HM13: variants seen among roughly 807,000 people sequenced by gnomAD.
HM13 encodes signal peptide peptidase.
In HM13, 18 loss-of-function variants were observed where a neutral mutation model predicts 50.0. That is an observed-to-expected ratio of 0.36 (90% confidence interval 0.25 to 0.53). HM13 has a LOEUF of 0.53. Among genes scored for constraint, HM13 ranks in the 20% least tolerant of loss-of-function variants. The pLI is 0.90. For missense variants in HM13, 393 were observed against 552.4 expected, an observed-to-expected ratio of 0.71 and a Z score of 2.89; for synonymous variants, 197 against 232.6, an observed-to-expected ratio of 0.85 and a Z score of 1.39.
intron 1 of HM13, among the ~76,000 whole-genome samples, chr20:31,521,854 C>CT (rs368753723): frequency 0.3 from 35,760 of 120,610 alleles, 8,464 homozygotes; most frequent in African/African-American, 0.66. Flanking sequence ...GTCTCCCATT[C>CT]TTTTTTTTTT....
At chr20:31,551,434 C>G (rs191184673) in intron 7 of HM13, among the ~76,000 whole-genome samples, 27 of 152,348 alleles carry the variant, frequency 1.8e-4, no homozygotes, top group Admixed American at 8.5e-4. Flanking sequence ...GAAATTATGT[C>G]TCAGGGAGGG....
At chr20:31,532,055 T>C (rs1282244933) in intron 2 of HM13, among the ~76,000 whole-genome samples, 1 of 151,840 alleles carries the variant, frequency 6.6e-6, no homozygotes, top group Non-Finnish European at 1.5e-5. Context: ...ATTTTTACTC[T>C]AAGAAATAAG....
chr20:31,550,770 C>T (rs1030278798), intron 7 of HM13, among the ~76,000 whole-genome samples: 4 of 152,094 alleles, frequency 2.6e-5, no homozygotes, highest in Non-Finnish European at 5.9e-5. Context: ...TTGAGGCCAG[C>T]AGTTCAAGAC....
At chr20:31,558,323 C>T (rs191245102) in intron 8 of HM13, among the ~76,000 whole-genome samples, 1 of 152,280 alleles carries the variant, frequency 6.6e-6, no homozygotes, top group Admixed American at 6.5e-5. Context: ...CCACGCACTG[C>T]CACAGGGGCC....
chr20:31,563,220 CCTT>C (rs1984717648), intron 10 of HM13: 1 of 152,564 alleles, frequency 6.6e-6, no homozygotes, highest in Non-Finnish European at 1.5e-5. Context: ...GCAGCCCAGC[CCTT>C]CTCCCCAGTC....
In HM13 at chr20:31,523,044, G is replaced by GGGC. The variant is rs1475417820; in HGVS notation, c.184-4438_184-4437insCGG. On this transcript the variant is annotated intron_variant, in intron 1 of 12. Coordinates refer to ENST00000398174, the MANE Select transcript of HM13 (RefSeq NM_178581.3). ...TAATAGCCTGTTTGGGGTTTTTTTT[G>GGGC]GGAGGGGGGCTTTTTTTTTTTTATG... 1.0e-3 allele frequency among the ~76,000 whole-genome samples: 86 copies of GGGC among 84,946 alleles called. No homozygotes were observed. In the African/African-American group the frequency reaches 0.012, roughly 12 times the overall value. 55.7% of individuals were successfully genotyped at this position (84,946 alleles called of 152,430 possible).
intron 3 of HM13, chr20:31,541,590 A>C (rs1057009131): frequency 2.0e-5 from 3 of 152,240 alleles, no homozygotes; most frequent in Admixed American, 6.5e-5. Flanking sequence ...GGGGACCAAA[A>C]ACTGTCAGAT....
At chr20:31,540,447 C>G (rs746960976) in intron 3 of HM13, 1 of 152,218 alleles carries the variant, frequency 6.6e-6, no homozygotes, top group East Asian at 1.9e-4. Flanking sequence ...ACCCCCAAGT[C>G]TCCCCACAGC....
chr20:31,532,640 G>A (rs546503843), intron 2 of HM13, among the ~76,000 whole-genome samples: 187 of 152,110 alleles, frequency 1.2e-3, no homozygotes, highest in Middle Eastern at 3.4e-3. Context: ...TATAAAATAT[G>A]TAGTGTTGGT....
At chr20:31,541,679 T>G (rs948429773) in intron 3 of HM13, 7 of 152,256 alleles carry the variant, frequency 4.6e-5, no homozygotes, top group Non-Finnish European at 8.8e-5. Flanking sequence ...AGGGGATGAT[T>G]TGATCATGCT....
intron 7 of HM13, among the ~76,000 whole-genome samples, chr20:31,552,312 G>A (rs1984076314): frequency 6.6e-6 from 1 of 152,088 alleles, no homozygotes; most frequent in Non-Finnish European, 1.5e-5. Context: ...GCAGGAAGGT[G>A]CATGGAGGGG....
Position 31,561,636 on chromosome 20 carries a change from TGAA to T in HM13, c.855_857del (p.Lys285del), listed in dbSNP as rs755662149. ...CTTTCTTCACACCTTCCCTGCAGCT[TGAA>T]GAAGAATACCCACACCTACTTCTAC... is the stretch of plus-strand genomic sequence containing the variant. On this transcript the variant is annotated inframe_deletion, in exon 10 of 13. Transcript: ENST00000398174. 8 of 1,608,704 alleles carry T rather than the reference TGAA, an allele frequency of 5.0e-6. No homozygotes were observed. The highest frequency in any genetic ancestry group is 4.0e-5 in the African/African-American group (3 of 74,806).
chr20:31,514,727 G>T lies in HM13; in HGVS notation c.176G>T (p.Arg59Leu), dbSNP rs1423072621. 8 of 1,533,866 alleles carry T rather than the reference G, an allele frequency of 5.2e-6. No individual in the cohort carries two copies. The South Asian group carries it at 9.7e-5, about 19-fold the overall frequency. The part of the protein sequence containing the change: ...FGALRSVRCA[R>L]GKNASDMPET... ...GCCCTGCGCTCCGTACGCTGCGCCC[G>T]CGGCAAGGTAGGGTCAGCGGGAAAA... The change falls in exon 1 of 13, where the codon CGC becomes CTC. Residue 59 changes from arginine (R) to leucine (L), a missense_variant. Physicochemically the swap from Arg to Leu is moderately radical, Grantham distance 102. Coordinates refer to ENST00000398174, the MANE Select transcript of HM13 (RefSeq NM_178581.3). The surrounding 1 kb of genome is among the most constrained non-coding windows in gnomAD (Gnocchi z 4.3).
intron 3 of HM13, chr20:31,541,883 T>G (rs1343072151): frequency 2.0e-5 from 3 of 152,274 alleles, no homozygotes; most frequent in African/African-American, 7.2e-5. Flanking sequence ...AGAGGGGTTA[T>G]GTAACCACCA....
At chr20:31,539,431 G>A (rs1983307991) in intron 3 of HM13, 1 of 985,372 alleles carries the variant, frequency 1.0e-6, no homozygotes, top group African/African-American at 1.7e-5. Context: ...ACGTACAAAG[G>A]AGGGAGAGGT....
intron 3 of HM13, among the ~76,000 whole-genome samples, chr20:31,542,382 A>T (rs1983495923): frequency 6.6e-6 from 1 of 152,186 alleles, no homozygotes; most frequent in South Asian, 2.1e-4. Flanking sequence ...ACCCCAGAGG[A>T]GGAAGCCACA....
At chr20:31,526,568 C>T (rs529946031) in intron 1 of HM13, among the ~76,000 whole-genome samples, 1 of 152,170 alleles carries the variant, frequency 6.6e-6, no homozygotes, top group Non-Finnish European at 1.5e-5. Flanking sequence ...GCATTCAGTT[C>T]TTTTTCATGT....
intron 8 of HM13, among the ~76,000 whole-genome samples, chr20:31,556,139 C>T (rs1265503734): frequency 6.7e-6 from 1 of 149,860 alleles, no homozygotes; most frequent in African/African-American, 2.5e-5. Flanking sequence ...TCAAGCGATT[C>T]TCGATTCTCC....
chr20:31,522,941 C>G (rs1015060868), intron 1 of HM13, among the ~76,000 whole-genome samples: 4 of 151,740 alleles, frequency 2.6e-5, no homozygotes, highest in African/African-American at 9.7e-5. Flanking sequence ...ATCTCAGAGT[C>G]CCTTCATAAC....
Sources: allele counts gnomAD v4.1 joint callset (sites outside exome capture counted in the v4.1 genomes callset), GRCh38; gene constraint gnomAD v4.1.1; non-coding constraint Gnocchi (gnomAD v3.1); transcripts MANE v1.5; gene names NCBI Gene and HGNC (gene_info 2026-07-23, HGNC 2026-07-21).